CCSER1: variants seen among roughly 807,000 people sequenced by gnomAD.
The protein encoded by CCSER1 is coiled-coil serine rich protein 1, also known as serine-rich coiled-coil domain-containing protein 1.
CCSER1 carries 41 observed loss-of-function variants against 82.0 expected under a neutral mutation model. The ratio of observed to expected loss-of-function variants is 0.50; its 90% confidence interval spans 0.39 to 0.65. CCSER1 has a LOEUF of 0.65. Among genes scored for constraint, CCSER1 ranks in the 30% least tolerant of loss-of-function variants. The pLI is 0.00. For missense variants in CCSER1, 1,119 were observed against 1,064.2 expected, an observed-to-expected ratio of 1.05 and a Z score of -0.72; for synonymous variants, 414 against 383.9, an observed-to-expected ratio of 1.08 and a Z score of -0.92.
At position 91,277,030 on chromosome 4, in the gene CCSER1, T is replaced by G. The variant is rs150356202; in HGVS notation, c.2217+191036T>G. On this transcript the variant is annotated intron_variant, in intron 10 of 10. Transcript: ENST00000509176. Reference sequence around the variant, plus strand: ...ACTTGATCATGGTGTATTATATTTTTGATATACTCTTAGATTTGATTTGCT... The same window carrying G: ...ACTTGATCATGGTGTATTATATTTTGGATATACTCTTAGATTTGATTTGCT... 1.5e-3 allele frequency among the ~76,000 whole-genome samples: 235 copies of G among 152,256 alleles called. 1 individual carries two copies. The highest frequency in any genetic ancestry group is 5.2e-3 in the African/African-American group (217 of 41,574).
chr4:90,724,999 T>C (rs1304652030), intron 7 of CCSER1: 3 of 442,616 alleles, frequency 6.8e-6, no homozygotes, highest in Admixed American at 2.4e-5. Context: ...CTTTTTTGCT[T>C]AATGAGAGTC....
In CCSER1 at chr4:90,891,797, A is replaced by G. The variant is rs72881378; in HGVS notation, c.2095-31573A>G. On this transcript the variant is annotated intron_variant, in intron 8 of 10. Transcript: ENST00000509176. ...TAAGGTTAACAGTACATTCACTCCT[A>G]TTTTGCAAGGTATTTTTCTTTTGCT... is the stretch of plus-strand genomic sequence containing the variant. 8.5e-3 allele frequency among the ~76,000 whole-genome samples: 1,290 copies of G among 152,108 alleles called. 16 individuals carry two copies. Among genetic ancestry groups the G allele is most frequent in the African/African-American group, 0.029 (1,217 of 41,532 alleles).
intron 10 of CCSER1, among the ~76,000 whole-genome samples, chr4:91,113,926 C>T (rs1726318842): frequency 6.6e-6 from 1 of 151,736 alleles, no homozygotes; most frequent in Non-Finnish European, 1.5e-5. Flanking sequence ...GATCTCGGCT[C>T]ACTGCAAGCT....
At chr4:91,372,382 T>A (rs1026361955) in intron 10 of CCSER1, among the ~76,000 whole-genome samples, 6 of 152,152 alleles carry the variant, frequency 3.9e-5, no homozygotes, top group Non-Finnish European at 1.5e-5. Context: ...CAGTTACCCA[T>A]ATCCTGTGAA....
At chr4:90,880,619 A>G (rs2150071063) in intron 8 of CCSER1, among the ~76,000 whole-genome samples, 1 of 152,288 alleles carries the variant, frequency 6.6e-6, no homozygotes, top group South Asian at 2.1e-4. Context: ...GGAGTTGCCA[A>G]GTTTCTACTC....
intron 4 of CCSER1, among the ~76,000 whole-genome samples, chr4:90,466,090 G>A (rs542784761): frequency 2.0e-5 from 3 of 152,280 alleles, no homozygotes; most frequent in Admixed American, 2.0e-4. Flanking sequence ...TATTTACTGG[G>A]AAGATGATAG....
intron 5 of CCSER1, among the ~76,000 whole-genome samples, chr4:90,590,214 CACTG>C (rs1782526205): frequency 1.3e-5 from 2 of 152,122 alleles, no homozygotes; most frequent in African/African-American, 4.8e-5. Flanking sequence ...AAAGAGGTTG[CACTG>C]GGCCAAGATC....
At chr4:90,290,576 A>G (rs1730733211) in intron 1 of CCSER1, among the ~76,000 whole-genome samples, 1 of 151,976 alleles carries the variant, frequency 6.6e-6, no homozygotes. Context: ...TTCAATTCTG[A>G]ATATGCAACT....
At chr4:90,224,821 A>C (rs1742831253) in intron 1 of CCSER1, among the ~76,000 whole-genome samples, 1 of 152,210 alleles carries the variant, frequency 6.6e-6, no homozygotes, top group South Asian at 2.1e-4. Flanking sequence ...CCATAAAGGC[A>C]GGATCATAAT....
chr4:91,033,824 A>C (rs928304788), intron 9 of CCSER1, among the ~76,000 whole-genome samples: 1 of 152,190 alleles, frequency 6.6e-6, no homozygotes, highest in Non-Finnish European at 1.5e-5. Flanking sequence ...TTGTAACTCA[A>C]AAGTGCTATT....
intron 1 of CCSER1, among the ~76,000 whole-genome samples, chr4:90,260,792 T>G (rs1468265009): frequency 4.6e-5 from 7 of 152,238 alleles, no homozygotes. Context: ...TTTGGCTCAC[T>G]GCAACCTCCG....
intron 9 of CCSER1, among the ~76,000 whole-genome samples, chr4:90,996,100 G>T (rs1460521201): frequency 3.9e-5 from 6 of 152,008 alleles, no homozygotes; most frequent in Admixed American, 3.9e-4. Context: ...AATATACAAG[G>T]TTAAATAGGA....
At chr4:90,590,931 C>A (rs7681737) in intron 5 of CCSER1, among the ~76,000 whole-genome samples, 63 of 152,280 alleles carry the variant, frequency 4.1e-4, no homozygotes, top group African/African-American at 1.3e-3. Context: ...TATCCATCAG[C>A]GTGGAACTAT....
intron 10 of CCSER1, among the ~76,000 whole-genome samples, chr4:91,123,032 A>T (rs1366990039): frequency 3.3e-5 from 5 of 151,782 alleles, no homozygotes; most frequent in Non-Finnish European, 5.9e-5. Context: ...AATAAATATT[A>T]GGGGAACAGT....
chr4:90,449,964 C>T (rs1453726997), intron 4 of CCSER1, among the ~76,000 whole-genome samples: 2 of 152,200 alleles, frequency 1.3e-5, no homozygotes, highest in Admixed American at 6.5e-5. Flanking sequence ...CTGTACTTCC[C>T]TCATCGCAGC....
chr4:90,252,769 G>T (rs1722625031), intron 1 of CCSER1, among the ~76,000 whole-genome samples: 2 of 151,748 alleles, frequency 1.3e-5, no homozygotes, highest in South Asian at 4.2e-4. Flanking sequence ...TTTGTGGCTG[G>T]AGAACATATT....
chr4:90,970,680 T>C (rs1205488892), intron 9 of CCSER1, among the ~76,000 whole-genome samples: 2 of 152,038 alleles, frequency 1.3e-5, no homozygotes, highest in Non-Finnish European at 2.9e-5. Flanking sequence ...AGATAGATTA[T>C]ATGTTTAGTC....
chr4:90,155,546 A>G (rs981205249), intron 1 of CCSER1, among the ~76,000 whole-genome samples: 1 of 152,100 alleles, frequency 6.6e-6, no homozygotes, highest in Admixed American at 6.5e-5. Flanking sequence ...GATTATTGCC[A>G]CAATTTCAGA....
chr4:91,520,342 T>C (rs1284416608), intron 10 of CCSER1, among the ~76,000 whole-genome samples: 2 of 152,016 alleles, frequency 1.3e-5, no homozygotes, highest in African/African-American at 4.8e-5. Flanking sequence ...AGATTGGCCT[T>C]GAACGTGTAG....
Sources: allele counts gnomAD v4.1 joint callset (sites outside exome capture counted in the v4.1 genomes callset), GRCh38; gene constraint gnomAD v4.1.1; transcripts MANE v1.5; gene names NCBI Gene and HGNC (gene_info 2026-07-23, HGNC 2026-07-21).